The following AP3B1 variants were observed in gnomAD, a reference collection of about 807,000 sequenced individuals.
The protein encoded by AP3B1 is AP-3 complex subunit beta-1.
Under a neutral mutation model 132.5 loss-of-function variants are expected in AP3B1, and 61 were observed. That is an observed-to-expected ratio of 0.46 (90% CI 0.37 to 0.57). AP3B1 has a LOEUF of 0.57. AP3B1 is among the 20% of genes least tolerant of loss of function. AP3B1 has a pLI of 0.00. For missense variants in AP3B1, 1,120 were observed against 1,289.4 expected (o/e 0.87, Z 2.01); for synonymous variants, 388 against 438.3 (o/e 0.89, Z 1.43).
At chr5:78,254,700 G>A (rs985987198) in intron 2 of AP3B1, among the ~76,000 whole-genome samples, 8 of 152,150 alleles carry the variant, frequency 5.3e-5, no homozygotes, top group Admixed American at 2.6e-4. Flanking sequence ...GCTAAAGGGA[G>A]TACTTCAATC....
chr5:78,180,176 C>T (rs1744307549), intron 8 of AP3B1, among the ~76,000 whole-genome samples: 1 of 152,082 alleles, frequency 6.6e-6, no homozygotes, highest in Middle Eastern at 3.4e-3. Flanking sequence ...GGCATGATTA[C>T]TGAATAATGA....
chr5:78,031,620 GTT>G (rs1747579730), intron 24 of AP3B1, among the ~76,000 whole-genome samples: 1 of 152,152 alleles, frequency 6.6e-6, no homozygotes, highest in Non-Finnish European at 1.5e-5. Flanking sequence ...GCTGGAAGCA[GTT>G]AATTCCCTGA....
intron 24 of AP3B1, among the ~76,000 whole-genome samples, chr5:78,028,237 G>A (rs573390094): frequency 2.3e-4 from 35 of 151,910 alleles, no homozygotes; most frequent in South Asian, 6.2e-4. Flanking sequence ...TGAGGTGGGC[G>A]GATCGCAAGG....
At chr5:78,275,776 T>G (rs1026133828) in intron 1 of AP3B1, among the ~76,000 whole-genome samples, 1 of 152,218 alleles carries the variant, frequency 6.6e-6, no homozygotes, top group Non-Finnish European at 1.5e-5. Flanking sequence ...CCGGCCATGA[T>G]TGGCAATTTT....
intron 21 of AP3B1, among the ~76,000 whole-genome samples, chr5:78,089,853 G>A (rs1044665817): frequency 1.7e-4 from 26 of 151,940 alleles, no homozygotes; most frequent in African/African-American, 2.9e-4. Context: ...AATAACAACC[G>A]CTTCCAAGAG....
intron 15 of AP3B1, among the ~76,000 whole-genome samples, chr5:78,138,809 A>G (rs572505220): frequency 3.6e-4 from 55 of 151,964 alleles, no homozygotes; most frequent in Non-Finnish European, 6.6e-4. Context: ...TGTCTCTACT[A>G]AAAATACAGA....
At chr5:78,049,674 A>G (rs1173370209) in intron 22 of AP3B1, among the ~76,000 whole-genome samples, 2 of 152,184 alleles carry the variant, frequency 1.3e-5, no homozygotes, top group Admixed American at 1.3e-4. Context: ...GCCCGGTCTG[A>G]GCCACCACCA....
At chr5:78,083,261 T>G (rs897163694) in intron 22 of AP3B1, among the ~76,000 whole-genome samples, 5 of 152,248 alleles carry the variant, frequency 3.3e-5, no homozygotes, top group Admixed American at 3.3e-4. Context: ...CAAGGTTTCA[T>G]GTTGATGTTT....
At chr5:78,227,611 G>T in intron 4 of AP3B1, 79 bp from the exon 5 acceptor site, 1 of 1,374,778 alleles carries the variant, frequency 7.3e-7, no homozygotes, top group Non-Finnish European at 1.0e-6. Flanking sequence ...CAGTTAATAG[G>T]TGCTTAAAGG....
chr5:78,059,476 C>CCTAT (rs1440354111), intron 22 of AP3B1, among the ~76,000 whole-genome samples: 1 of 152,174 alleles, frequency 6.6e-6, no homozygotes, highest in Admixed American at 6.5e-5. Flanking sequence ...TGTTGTGAAA[C>CCTAT]CTATCTTCAG....
At chr5:78,257,143 T>C (rs745493928) in intron 2 of AP3B1, among the ~76,000 whole-genome samples, 3 of 152,166 alleles carry the variant, frequency 2.0e-5, no homozygotes, top group Non-Finnish European at 4.4e-5. Context: ...TCTCTGTTAT[T>C]CAACATACCA....
intron 22 of AP3B1, chr5:78,087,393 G>A: frequency 3.1e-6 from 1 of 319,714 alleles, no homozygotes; most frequent in Non-Finnish European, 4.5e-6. Flanking sequence ...CTGAGGGCTG[G>A]ATGTGCTATT....
chr5:78,201,279 T>C (rs1400236912), intron 7 of AP3B1, among the ~76,000 whole-genome samples: 1 of 152,188 alleles, frequency 6.6e-6, no homozygotes. Flanking sequence ...ATATCCACCT[T>C]ATGATCCAAT....
intron 26 of AP3B1, among the ~76,000 whole-genome samples, chr5:78,003,824 C>G (rs1746281670): frequency 6.6e-6 from 1 of 152,202 alleles, no homozygotes; most frequent in South Asian, 2.1e-4. Context: ...GCCTTTTAAG[C>G]ACTGCAATTG....
At chr5:78,122,587 C>T (rs1374664041) in intron 17 of AP3B1, among the ~76,000 whole-genome samples, 3 of 152,118 alleles carry the variant, frequency 2.0e-5, no homozygotes, top group African/African-American at 4.8e-5. Context: ...GAGTGAACTC[C>T]CATTCACAAT....
chr5:78,098,090 G>C (rs537738449), intron 21 of AP3B1, among the ~76,000 whole-genome samples: 12 of 150,928 alleles, frequency 8.0e-5, no homozygotes, highest in Non-Finnish European at 1.0e-4. Context: ...CAGCATGCTC[G>C]TTAAGAGTCA....
chr5:78,171,142 T>C (rs1158712155), intron 11 of AP3B1, among the ~76,000 whole-genome samples: 1 of 152,202 alleles, frequency 6.6e-6, no homozygotes, highest in Non-Finnish European at 1.5e-5. Flanking sequence ...TGTAGCCTCG[T>C]AGTATAGTTT....
At chr5:78,293,724 A>T (rs1327941670) in intron 1 of AP3B1, among the ~76,000 whole-genome samples, 1 of 151,818 alleles carries the variant, frequency 6.6e-6, no homozygotes, top group Non-Finnish European at 1.5e-5. Context: ...ACCCCCCAAA[A>T]CAAACAACTT....
chr5:78,137,181 A>C (rs903317672), intron 15 of AP3B1, among the ~76,000 whole-genome samples: 12 of 152,202 alleles, frequency 7.9e-5, no homozygotes, highest in Admixed American at 3.3e-4. Context: ...GGACATAGTT[A>C]AACTCTTTGA....
Sources: gnomAD v4.1 joint callset for allele counts (sites outside exome capture counted in the v4.1 genomes callset) on GRCh38, gnomAD v4.1.1 for gene constraint, MANE v1.5 for transcripts, NCBI Gene and HGNC (gene_info 2026-07-23, HGNC 2026-07-21) for gene names.